CSMD1: variants seen among roughly 807,000 people sequenced by gnomAD.
The protein encoded by CSMD1 is CUB and sushi domain-containing protein 1.
In CSMD1, 213 loss-of-function variants were observed where a neutral mutation model predicts 417.5. The observed-to-expected ratio is 0.51, with a 90% CI of 0.46 to 0.57. CSMD1 has a LOEUF of 0.57. Ranked by LOEUF, CSMD1 falls within the 20% of genes least tolerant of loss-of-function variation. The pLI, the probability that CSMD1 is intolerant of heterozygous loss-of-function variation, is 0.00. For synonymous variants in CSMD1, 2,862 were observed against 1,736.8 expected (o/e 1.65, Z -16.11); for missense variants, 6,923 against 4,529.7 (o/e 1.53, Z -15.17).
chr8:3,066,749 T>C (rs1812961883), intron 49 of CSMD1, among the ~76,000 whole-genome samples: 1 of 152,154 alleles, frequency 6.6e-6, no homozygotes, highest in African/African-American at 2.4e-5. Flanking sequence ...TGCATGGTAA[T>C]GGAAACTCCA....
intron 3 of CSMD1, among the ~76,000 whole-genome samples, chr8:4,158,386 C>A (rs760052091): frequency 1.3e-5 from 2 of 152,098 alleles, no homozygotes; most frequent in Non-Finnish European, 2.9e-5. Context: ...AATACAGCCA[C>A]TAGTGCGGTC....
At chr8:4,960,480 C>T (rs1215467537) in intron 1 of CSMD1, among the ~76,000 whole-genome samples, 1 of 152,146 alleles carries the variant, frequency 6.6e-6, no homozygotes, top group Non-Finnish European at 1.5e-5. Flanking sequence ...CCAAACTAAG[C>T]TGAATTCCTT....
intron 1 of CSMD1, among the ~76,000 whole-genome samples, chr8:4,900,486 T>G (rs1167670840): frequency 1.3e-5 from 2 of 152,188 alleles, no homozygotes; most frequent in Admixed American, 6.5e-5. Context: ...CCCTTCACCC[T>G]GGCCCAGGCT....
intron 5 of CSMD1, among the ~76,000 whole-genome samples, chr8:3,816,526 T>C (rs780921260): frequency 1.3e-5 from 2 of 152,194 alleles, no homozygotes; most frequent in East Asian, 3.9e-4. Context: ...TTATGTATAG[T>C]TAATAAGTAC....
At chr8:3,093,716 C>T (rs1331068643) in intron 47 of CSMD1, among the ~76,000 whole-genome samples, 2 of 151,898 alleles carry the variant, frequency 1.3e-5, no homozygotes, top group Non-Finnish European at 2.9e-5. Context: ...GGCACTTTGT[C>T]ATGGCAGTCC....
At chr8:3,914,495 G>A (rs1478697995) in intron 5 of CSMD1, among the ~76,000 whole-genome samples, 2 of 152,166 alleles carry the variant, frequency 1.3e-5, no homozygotes, top group Admixed American at 6.5e-5. Context: ...CAGTGTGTGT[G>A]CAATCTGTGT....
chr8:4,076,771 T>C (rs924369720), intron 3 of CSMD1, among the ~76,000 whole-genome samples: 2 of 152,196 alleles, frequency 1.3e-5, no homozygotes, highest in Non-Finnish European at 2.9e-5. Flanking sequence ...CATTTCAGGC[T>C]CTGAACAACA....
intron 7 of CSMD1, among the ~76,000 whole-genome samples, chr8:3,700,797 G>A (rs7842862): frequency 6.6e-6 from 1 of 152,136 alleles, no homozygotes; most frequent in African/African-American, 2.4e-5. Flanking sequence ...GCAAGGGTGG[G>A]AGCAAAGGAG....
At chr8:4,268,712 A>G (rs1585128769) in intron 3 of CSMD1, among the ~76,000 whole-genome samples, 1 of 152,190 alleles carries the variant, frequency 6.6e-6, no homozygotes, top group Non-Finnish European at 1.5e-5. Context: ...TTTTTGAAGT[A>G]ACATAACCAA....
chr8:3,728,711 C>G (rs1011885800), intron 6 of CSMD1, among the ~76,000 whole-genome samples: 2 of 152,052 alleles, frequency 1.3e-5, no homozygotes, highest in South Asian at 2.1e-4. Context: ...GCAAATGATG[C>G]AAGTTAAAAT....
intron 2 of CSMD1, among the ~76,000 whole-genome samples, chr8:4,441,212 C>T (rs993981380): frequency 5.7e-5 from 8 of 139,878 alleles, no homozygotes; most frequent in South Asian, 2.4e-4. Context: ...AATCCTCGCA[C>T]GTCAGCCTCT....
intron 1 of CSMD1, among the ~76,000 whole-genome samples, chr8:4,727,912 T>C (rs1809565909): frequency 6.8e-6 from 1 of 146,920 alleles, no homozygotes. Flanking sequence ...TATATATATA[T>C]ACCAAATACA....
At chr8:4,235,296 T>C (rs1801978376) in intron 3 of CSMD1, among the ~76,000 whole-genome samples, 2 of 151,848 alleles carry the variant, frequency 1.3e-5, no homozygotes, top group Non-Finnish European at 2.9e-5. Context: ...AAAAATGCAC[T>C]GGAAAAAAAG....
chr8:3,365,897 A>G (rs934933583), intron 20 of CSMD1, among the ~76,000 whole-genome samples: 1 of 152,214 alleles, frequency 6.6e-6, no homozygotes, highest in Non-Finnish European at 1.5e-5. Flanking sequence ...ACAGTAACAT[A>G]CAGCAGTAGA....
chr8:3,180,794 TA>T (rs1223669140), intron 37 of CSMD1, among the ~76,000 whole-genome samples: 1 of 151,996 alleles, frequency 6.6e-6, no homozygotes, highest in African/African-American at 2.4e-5. Context: ...CATGCCCAGC[TA>T]ATTTTTTTTT....
At chr8:4,238,496 A>G (rs760224794) in intron 3 of CSMD1, among the ~76,000 whole-genome samples, 2 of 152,188 alleles carry the variant, frequency 1.3e-5, no homozygotes, top group Non-Finnish European at 2.9e-5. Context: ...GCACATTAAG[A>G]GGTGACTAGA....
intron 1 of CSMD1, among the ~76,000 whole-genome samples, chr8:4,842,547 G>A (rs1179730134): frequency 6.6e-6 from 1 of 152,124 alleles, no homozygotes; most frequent in African/African-American, 2.4e-5. Flanking sequence ...CGAGCACTAA[G>A]GGTCACAACG....
At position 4,943,988 on chromosome 8, in the gene CSMD1, C is replaced by T. The variant is rs150696769; in HGVS notation, c.85+50344G>A. ...AAAGAAACATGACAAGACATACTGG[C>T]GGTTGTATTTGAGTAGTAAAAAAGA... On this transcript the variant is annotated intron_variant, in intron 1 of 69. Coordinates refer to ENST00000635120, the MANE Select transcript of CSMD1 (RefSeq NM_033225.6). Among the ~76,000 whole-genome samples the T allele has an allele frequency of 7.2e-5, 11 of 152,056 alleles. 1 individual carries two copies. In the South Asian group the frequency reaches 1.0e-3, roughly 14 times the overall value.
At chr8:4,870,793 C>T (rs1438335398) in intron 1 of CSMD1, among the ~76,000 whole-genome samples, 1 of 152,134 alleles carries the variant, frequency 6.6e-6, no homozygotes, top group Non-Finnish European at 1.5e-5. Context: ...TCGGAAAATG[C>T]CACCGAGGAA....
Sources: gnomAD v4.1 joint callset for allele counts (sites outside exome capture counted in the v4.1 genomes callset) on GRCh38, gnomAD v4.1.1 for gene constraint, MANE v1.5 for transcripts, NCBI Gene and HGNC (gene_info 2026-07-23, HGNC 2026-07-21) for gene names.